The following CWF19L2 variants were observed in gnomAD, a reference collection of about 807,000 sequenced individuals.
The protein encoded by CWF19L2 is CWF19-like protein 2.
A neutral mutation model predicts 111.7 loss-of-function variants in CWF19L2; 98 were observed. The observed-to-expected ratio is 0.88, with a 90% CI of 0.75 to 1.04. CWF19L2 has a LOEUF of 1.04. CWF19L2 is among the 50% of genes least tolerant of loss of function. The probability of loss-of-function intolerance (pLI) is 0.00; values close to 1 mark genes in which losing one functional copy is unlikely to be tolerated. For synonymous variants in CWF19L2, 351 were observed against 342.9 expected, an observed-to-expected ratio of 1.02 and a Z score of -0.26; for missense variants, 1,101 against 1,051.4, an observed-to-expected ratio of 1.05 and a Z score of -0.65.
intron 1 of CWF19L2, among the ~76,000 whole-genome samples, chr11:107,456,022 G>C (rs1565293044): frequency 6.6e-6 from 1 of 152,206 alleles, no homozygotes; most frequent in African/African-American, 2.4e-5. Context: ...CAATCAGAGA[G>C]AATCCAGGGA....
At chr11:107,331,034 G>T (rs1859842524) in intron 16 of CWF19L2, among the ~76,000 whole-genome samples, 1 of 152,122 alleles carries the variant, frequency 6.6e-6, no homozygotes, top group African/African-American at 2.4e-5. Context: ...AGTTTTTCAT[G>T]TTATTTAAAA....
chr11:107,361,721 T>C (rs1051969098), intron 12 of CWF19L2, among the ~76,000 whole-genome samples: 12 of 152,234 alleles, frequency 7.9e-5, no homozygotes, highest in African/African-American at 2.9e-4. Context: ...CTAGGTATTA[T>C]TTTTTATAGC....
chr11:107,409,095 TAA>T (rs143841792), intron 10 of CWF19L2, among the ~76,000 whole-genome samples: 11 of 141,300 alleles, frequency 7.8e-5, no homozygotes, highest in Non-Finnish European at 9.4e-5. Flanking sequence ...GCTAAAACAT[TAA>T]AAAAAAAAAA....
intron 12 of CWF19L2, among the ~76,000 whole-genome samples, chr11:107,362,840 T>C (rs1860376849): frequency 6.6e-6 from 1 of 151,880 alleles, no homozygotes; most frequent in Non-Finnish European, 1.5e-5. Flanking sequence ...TTTGACGAGC[T>C]GAGAGAAGAA....
chr11:107,404,748 T>C (rs1431810939), intron 10 of CWF19L2, among the ~76,000 whole-genome samples: 1 of 152,142 alleles, frequency 6.6e-6, no homozygotes, highest in African/African-American at 2.4e-5. Context: ...AAATAGTGGG[T>C]ACTCAATAAA....
intron 12 of CWF19L2, among the ~76,000 whole-genome samples, chr11:107,359,069 A>T (rs1470286397): frequency 1.3e-5 from 2 of 152,204 alleles, no homozygotes; most frequent in African/African-American, 4.8e-5. Flanking sequence ...AGCCATGCAC[A>T]GATAAAAGTT....
chr11:107,401,291 C>T (rs1808676640), intron 10 of CWF19L2, among the ~76,000 whole-genome samples: 1 of 151,942 alleles, frequency 6.6e-6, no homozygotes, highest in South Asian at 2.1e-4. Context: ...TGTTTGCTGA[C>T]GATATGATTG....
chr11:107,327,074 C>T lies in CWF19L2; in HGVS notation c.2542-21G>A. Reference sequence around the variant, plus strand: ...ATTTCCTTTTAAAGAAAGAGAAAAGCACAAACACAAGCATGTATAAATAAT... The same window carrying T: ...ATTTCCTTTTAAAGAAAGAGAAAAGTACAAACACAAGCATGTATAAATAAT... On this transcript the variant is annotated intron_variant, in intron 17 of 17. Transcript: ENST00000282251. 2.5e-6 allele frequency: 4 copies of T among 1,570,228 alleles called. No homozygotes were observed. In the Admixed American group the frequency reaches 6.0e-5, roughly 23 times the overall value.
At chr11:107,362,002 C>A (rs1321386763) in intron 12 of CWF19L2, among the ~76,000 whole-genome samples, 2 of 152,192 alleles carry the variant, frequency 1.3e-5, no homozygotes, top group Non-Finnish European at 2.9e-5. Flanking sequence ...CGAGGCATTG[C>A]CGCACTTGGG....
intron 3 of CWF19L2, among the ~76,000 whole-genome samples, chr11:107,450,704 C>A (rs1183609974): frequency 6.6e-6 from 1 of 151,668 alleles, no homozygotes; most frequent in Non-Finnish European, 1.5e-5. Flanking sequence ...TGAAAACACA[C>A]AAAAAAAGAA....
chr11:107,439,436 G>A (rs11212236), intron 5 of CWF19L2, among the ~76,000 whole-genome samples: 7,122 of 152,212 alleles, frequency 0.047, 224 homozygotes, highest in Non-Finnish European at 0.07. Context: ...ATCCTGGTCA[G>A]CCCTTGCTAA....
intron 16 of CWF19L2, among the ~76,000 whole-genome samples, chr11:107,333,206 T>C (rs1859875495): frequency 6.6e-6 from 1 of 152,090 alleles, no homozygotes; most frequent in South Asian, 2.1e-4. Flanking sequence ...AGGCAATTGC[T>C]GCTATCTTTG....
intron 9 of CWF19L2, among the ~76,000 whole-genome samples, chr11:107,417,729 G>C (rs1861247010): frequency 6.6e-6 from 1 of 150,896 alleles, no homozygotes; most frequent in Admixed American, 6.6e-5. Context: ...TTTAGAAGTA[G>C]ATAGTATTCT....
chr11:107,441,804 C>T (rs941415915), intron 4 of CWF19L2, among the ~76,000 whole-genome samples, 182 bp from the exon 5 acceptor site: 2 of 152,198 alleles, frequency 1.3e-5, no homozygotes, highest in Non-Finnish European at 2.9e-5. Flanking sequence ...ACTTTAGTCT[C>T]TCCTCTATAA....
At chr11:107,344,385 T>C (rs899151100) in intron 14 of CWF19L2, among the ~76,000 whole-genome samples, 9 of 152,224 alleles carry the variant, frequency 5.9e-5, no homozygotes, top group Admixed American at 1.3e-4. Flanking sequence ...AGAACTTCCT[T>C]TAACTATTCT....
intron 3 of CWF19L2, among the ~76,000 whole-genome samples, chr11:107,446,095 T>C (rs933584437): frequency 2.6e-5 from 4 of 152,222 alleles, no homozygotes; most frequent in Non-Finnish European, 5.9e-5. Context: ...ACTTATTTCA[T>C]ATCAGAAAAA....
chr11:107,388,632 G>A (rs1021332921), intron 12 of CWF19L2, among the ~76,000 whole-genome samples: 3 of 152,040 alleles, frequency 2.0e-5, no homozygotes, highest in Admixed American at 6.6e-5. Context: ...TGCCTGCCTA[G>A]GCCCCCCAAA....
intron 12 of CWF19L2, among the ~76,000 whole-genome samples, chr11:107,360,635 T>C (rs534162026): frequency 1.3e-5 from 2 of 152,350 alleles, no homozygotes; most frequent in Admixed American, 6.5e-5. Flanking sequence ...CTCCACATCC[T>C]CACAAGCATC....
intron 12 of CWF19L2, among the ~76,000 whole-genome samples, chr11:107,372,483 G>C (rs1273734911): frequency 1.5e-5 from 2 of 136,738 alleles, no homozygotes; most frequent in Non-Finnish European, 3.1e-5. Flanking sequence ...AAACAAAAGA[G>C]TGTGATTCAA....
Sources: gnomAD v4.1 joint callset for allele counts (sites outside exome capture counted in the v4.1 genomes callset) on GRCh38, gnomAD v4.1.1 for gene constraint, MANE v1.5 for transcripts, NCBI Gene and HGNC (gene_info 2026-07-23, HGNC 2026-07-21) for gene names.